The following PLEKHA6 variants were observed in gnomAD, a reference collection of about 807,000 sequenced individuals.
PLEKHA6 encodes pleckstrin homology domain containing A6.
In PLEKHA6, 60 loss-of-function variants were observed where a neutral mutation model predicts 116.7. That is an observed-to-expected ratio of 0.51 (90% CI 0.42 to 0.64). The LOEUF (loss-of-function observed/expected upper bound fraction) is 0.64, where lower values mean the gene tolerates loss of function less well. PLEKHA6 is among the 30% of genes least tolerant of loss of function. The probability of loss-of-function intolerance (pLI) is 0.00; values close to 1 mark genes in which losing one functional copy is unlikely to be tolerated. For synonymous variants in PLEKHA6, 489 were observed against 556.1 expected (o/e 0.88, Z 1.70); for missense variants, 1,338 against 1,422.7 (o/e 0.94, Z 0.96).
intron 1 of PLEKHA6, chr1:204,297,039 A>T: frequency 1.1e-6 from 1 of 878,108 alleles, no homozygotes; most frequent in Non-Finnish European, 1.4e-6. Context: ...CACCGTACCC[A>T]TCCCTGCAGA....
intron 1 of PLEKHA6, chr1:204,347,173 G>A (rs989468802): frequency 7.9e-6 from 9 of 1,139,080 alleles, no homozygotes; most frequent in South Asian, 4.9e-5. Context: ...TCGCATATAC[G>A]TGGCCAAAGG....
chr1:204,223,405 G>T lies in PLEKHA6; in HGVS notation c.*8+57C>A. The T allele has an allele frequency of 1.2e-6, 1 of 850,894 alleles. No homozygotes were observed. Among genetic ancestry groups the T allele is most frequent in the Non-Finnish European group, 2.0e-6 (1 of 506,560 alleles). 52.7% of individuals were successfully genotyped at this position (850,894 alleles called of 1,614,324 possible). On this transcript the variant is annotated intron_variant, in intron 22 of 22. Transcript: ENST00000272203. This position sits in a 1 kb window ranked among gnomAD's most constrained non-coding sequence, Gnocchi z 4.8. ...GAGAGGGCATAGATGGCTCAATGGG[G>T]GTGAAGGAAGGGGCCCCACTCCCGA...
At position 204,266,611 on chromosome 1, in the gene PLEKHA6, G is replaced by A. The variant is rs2102840244; in HGVS notation, c.280+864C>T. On this transcript the variant is annotated intron_variant, in intron 5 of 22. Transcript: ENST00000272203. ...TGATTTCCCTCCTTGGGGTTCAGGT[G>A]GCTGCAATACAGCAACCAGCAACAG... Among the ~76,000 whole-genome samples the A allele has an allele frequency of 1.3e-5, 2 of 152,222 alleles. 1 individual carries two copies. Among genetic ancestry groups the A allele is most frequent in the South Asian group, 4.2e-4 (2 of 4,816 alleles).
rs1172024051 is a variant in PLEKHA6 at position 204,241,532 on chromosome 1, G to A, written c.2303-51C>T. Reference sequence around the variant, plus strand: ...GGCCTCATGGAGAGCAGGAAGGCAGGAAGCCTCCTTCTCAGAGACAATCTC... The same window carrying A: ...GGCCTCATGGAGAGCAGGAAGGCAGAAAGCCTCCTTCTCAGAGACAATCTC... On this transcript the variant is annotated intron_variant, in intron 16 of 22. Transcript: ENST00000272203. The A allele has an allele frequency of 2.8e-6, 4 of 1,420,708 alleles. No individual in the cohort carries two copies. In the East Asian group the frequency reaches 9.3e-5, roughly 33 times the overall value. The allele number at this position is 1,420,708 out of a possible 1,614,324, so 88.0% of individuals were successfully genotyped here. A position where few individuals can be genotyped will look rare whatever the true frequency, so the allele number is the denominator to read the frequency against.
chr1:204,338,128 T>C (rs1444751188), intron 1 of PLEKHA6, among the ~76,000 whole-genome samples: 1 of 152,232 alleles, frequency 6.6e-6, no homozygotes, highest in Non-Finnish European at 1.5e-5. Context: ...ATTTGAATTA[T>C]GGCTCCACGA....
In PLEKHA6 at chr1:204,221,205, T is replaced by A. The variant is rs1659602487; in HGVS notation, c.*1583A>T. ...ACAACAGTGCCTGGTACATAAAAGG[T>A]GCTCGATAAATATTTGTTGAGTAAA... On this transcript the variant is annotated 3_prime_UTR_variant, in exon 23 of 23. Transcript: ENST00000272203. The A allele has an allele frequency of 1.3e-5, 2 of 152,630 alleles. No homozygotes were observed. The highest frequency in any genetic ancestry group is 2.9e-5 in the Non-Finnish European group (2 of 68,032). 9.5% of individuals were successfully genotyped at this position (152,630 alleles called of 1,614,324 possible). A position where few individuals can be genotyped will look rare whatever the true frequency, so the allele number is the denominator to read the frequency against.
At chr1:204,364,611 G>T (rs1175839665), upstream of PLEKHA6, among the ~76,000 whole-genome samples, 1 of 152,144 alleles carries the variant, frequency 6.6e-6, no homozygotes, top group African/African-American at 2.4e-5. Flanking sequence ...TGACCACCAG[G>T]TCTGGAAATG....
intron 9 of PLEKHA6, among the ~76,000 whole-genome samples, chr1:204,253,257 T>G (rs1284884453): frequency 1.3e-5 from 2 of 152,174 alleles, no homozygotes; most frequent in Non-Finnish European, 2.9e-5. Flanking sequence ...AAAGGGCAGA[T>G]TCTACAATGC....
At chr1:204,242,951 T>C (rs1432683580) in intron 15 of PLEKHA6, among the ~76,000 whole-genome samples, 1 of 152,208 alleles carries the variant, frequency 6.6e-6, no homozygotes, top group Non-Finnish European at 1.5e-5. Flanking sequence ...GCTTCAACTA[T>C]CCTTTCCTTA....
chr1:204,301,554 C>T (rs1670820700), intron 1 of PLEKHA6: 1 of 775,284 alleles, frequency 1.3e-6, no homozygotes. Context: ...CACCCCATGG[C>T]TTCATCTGTA....
rs147183823 is a variant in PLEKHA6 at position 204,228,659 on chromosome 1, T to A, written c.2885+69A>T. On this transcript the variant is annotated intron_variant, in intron 20 of 22. Coordinates refer to ENST00000272203, the MANE Select transcript of PLEKHA6 (RefSeq NM_014935.5). This position sits in a 1 kb window ranked among gnomAD's most constrained non-coding sequence, Gnocchi z 4.0. ...GGGGAGGCTCTGTGCCCCCAACGAC[T>A]TCTAGTGGCCCAGGTGTCCTAGGTG... 370 of 1,500,316 alleles carry A rather than the reference T, an allele frequency of 2.5e-4. 2 individuals are homozygous for A. The highest frequency in any genetic ancestry group is 2.4e-3 in the Middle Eastern group (14 of 5,732). The allele number at this position is 1,500,316 out of a possible 1,614,324, so 92.9% of individuals were successfully genotyped here. A position where few individuals can be genotyped will look rare whatever the true frequency, so the allele number is the denominator to read the frequency against.
chr1:204,303,719 G>A (rs1320635802), intron 1 of PLEKHA6, among the ~76,000 whole-genome samples: 2 of 152,022 alleles, frequency 1.3e-5, no homozygotes, highest in South Asian at 2.1e-4. Flanking sequence ...TTTGGGGTAC[G>A]GGGGTGGTGG....
intron 1 of PLEKHA6, among the ~76,000 whole-genome samples, chr1:204,315,398 A>G (rs1178098389): frequency 2.0e-5 from 3 of 152,180 alleles, no homozygotes; most frequent in African/African-American, 7.2e-5. Flanking sequence ...TTTCTAGTTC[A>G]ACCTGACTGA....
chr1:204,239,724 A>G (rs1662536378), intron 17 of PLEKHA6, among the ~76,000 whole-genome samples: 1 of 152,158 alleles, frequency 6.6e-6, no homozygotes, highest in Non-Finnish European at 1.5e-5. Flanking sequence ...TACAACACCA[A>G]CTAGGTGACA....
chr1:204,250,136 C>T (rs1664329607), intron 10 of PLEKHA6, among the ~76,000 whole-genome samples: 1 of 152,252 alleles, frequency 6.6e-6, no homozygotes, highest in Admixed American at 6.5e-5. Flanking sequence ...AAGCCAGGGG[C>T]ATAGCCGTAT....
chr1:204,303,314 C>T (rs1045592901), intron 1 of PLEKHA6, among the ~76,000 whole-genome samples: 21 of 152,318 alleles, frequency 1.4e-4, no homozygotes, highest in African/African-American at 3.6e-4. Context: ...GAACAACCTT[C>T]CTAATTTAGG....
intron 21 of PLEKHA6, among the ~76,000 whole-genome samples, chr1:204,226,285 C>T (rs931765195): frequency 4.6e-5 from 7 of 152,126 alleles, no homozygotes; most frequent in African/African-American, 1.7e-4. Flanking sequence ...GCAAGGTGAC[C>T]GTTTGGTTTC....
intron 1 of PLEKHA6, among the ~76,000 whole-genome samples, chr1:204,279,005 C>T (rs1453422626): frequency 6.6e-6 from 1 of 152,116 alleles, no homozygotes; most frequent in South Asian, 2.1e-4. Flanking sequence ...TGCTTCTGCC[C>T]CCTCGCCCCC....
intron 5 of PLEKHA6, 69 bp from the exon 6 acceptor site, chr1:204,265,111 G>C (rs1009639639): frequency 2.5e-5 from 27 of 1,062,746 alleles, no homozygotes; most frequent in Admixed American, 2.0e-4. Flanking sequence ...GCCAGGGGTG[G>C]GGAGGAGTGT....
Sources: allele counts gnomAD v4.1 joint callset (sites outside exome capture counted in the v4.1 genomes callset), GRCh38; gene constraint gnomAD v4.1.1; non-coding constraint Gnocchi (gnomAD v3.1); transcripts MANE v1.5; gene names NCBI Gene and HGNC (gene_info 2026-07-23, HGNC 2026-07-21).